The following ZNF804B variants were observed in gnomAD, a reference collection of about 807,000 sequenced individuals.
ZNF804B encodes the protein zinc finger protein 804B.
Under a neutral mutation model 101.4 loss-of-function variants are expected in ZNF804B, and 80 were observed. The observed-to-expected ratio is 0.79, with a 90% CI of 0.66 to 0.95. The LOEUF (loss-of-function observed/expected upper bound fraction) is 0.95, where lower values mean the gene tolerates loss of function less well. ZNF804B is among the 40% of genes least tolerant of loss of function. The pLI is 0.00. For missense variants in ZNF804B, 1,673 were observed against 1,561.9 expected, an observed-to-expected ratio of 1.07 and a Z score of -1.20; for synonymous variants, 622 against 558.8, an observed-to-expected ratio of 1.11 and a Z score of -1.59.
At chr7:88,863,889 T>C (rs999177522) in intron 1 of ZNF804B, among the ~76,000 whole-genome samples, 1 of 152,194 alleles carries the variant, frequency 6.6e-6, no homozygotes, top group Admixed American at 6.5e-5. Context: ...CACGTGCCTG[T>C]CTCCTCCACT....
At chr7:88,921,562 A>G (rs1792719568) in intron 1 of ZNF804B, among the ~76,000 whole-genome samples, 1 of 152,124 alleles carries the variant, frequency 6.6e-6, no homozygotes, top group Non-Finnish European at 1.5e-5. Flanking sequence ...TTTGTTTCCT[A>G]GAAGAAATCC....
At position 89,112,685 on chromosome 7, in the gene ZNF804B, G is replaced by A. The variant is rs899282310; in HGVS notation, c.109-105470G>A. On this transcript the variant is annotated intron_variant, in intron 1 of 3. Transcript: ENST00000333190. Reference sequence around the variant, plus strand: ...TTGCTGGGATTTTGATTGGAATTGTGTTAAATCTATAGATCAAGTTGGGAA... The same window carrying A: ...TTGCTGGGATTTTGATTGGAATTGTATTAAATCTATAGATCAAGTTGGGAA... Among the ~76,000 whole-genome samples, 6 of 152,078 alleles carry A rather than the reference G, an allele frequency of 3.9e-5. No homozygotes were observed. The East Asian group carries it at 5.8e-4, about 15-fold the overall frequency.
At chr7:89,235,974 T>C (rs1284591920) in intron 2 of ZNF804B, among the ~76,000 whole-genome samples, 1 of 152,216 alleles carries the variant, frequency 6.6e-6, no homozygotes, top group East Asian at 1.9e-4. Flanking sequence ...TTTATGTATG[T>C]TTTGTGGGGG....
chr7:89,180,584 G>T (rs776425488), intron 1 of ZNF804B, among the ~76,000 whole-genome samples: 2 of 151,958 alleles, frequency 1.3e-5, no homozygotes, highest in African/African-American at 4.8e-5. Context: ...AGCCTACAAT[G>T]GGGGTTTCAG....
intron 1 of ZNF804B, among the ~76,000 whole-genome samples, chr7:89,100,469 A>T (rs1294792231): frequency 6.6e-6 from 1 of 152,100 alleles, no homozygotes; most frequent in Non-Finnish European, 1.5e-5. Context: ...AAATTGGATT[A>T]CATCAAGTTA....
chr7:89,134,564 G>A (rs542050648), intron 1 of ZNF804B, among the ~76,000 whole-genome samples: 1 of 152,188 alleles, frequency 6.6e-6, no homozygotes, highest in South Asian at 2.1e-4. Context: ...TTCATGCATA[G>A]CTGGAGGGTT....
intron 1 of ZNF804B, among the ~76,000 whole-genome samples, chr7:88,894,188 A>G (rs1321993439): frequency 6.6e-6 from 1 of 152,216 alleles, no homozygotes; most frequent in East Asian, 1.9e-4. Flanking sequence ...TGTGGGCTTC[A>G]ATGAGTTAAA....
At chr7:89,215,050 T>C (rs1484728648) in intron 1 of ZNF804B, among the ~76,000 whole-genome samples, 3 of 152,148 alleles carry the variant, frequency 2.0e-5, no homozygotes, top group Non-Finnish European at 4.4e-5. Context: ...TGTTTGTATG[T>C]TTTGTGGTAG....
rs61374091 is a variant in ZNF804B at position 89,007,446 on chromosome 7, T to TTATATATATATATA, written c.109-210683_109-210670dup. 1.4e-4 allele frequency among the ~76,000 whole-genome samples: 8 copies of TTATATATATATATA among 57,190 alleles called. 1 individual carries two copies. The highest frequency in any genetic ancestry group is 8.1e-4 in the East Asian group (1 of 1,240). The allele number at this position is 57,190 out of a possible 152,430, so 37.5% of individuals were successfully genotyped here. A position where few individuals can be genotyped will look rare whatever the true frequency, so the allele number is the denominator to read the frequency against. On this transcript the variant is annotated intron_variant, in intron 1 of 3. Coordinates refer to ENST00000333190, the MANE Select transcript of ZNF804B (RefSeq NM_181646.5). ...ATGTTATCTAAAGTTATCCATGATT[T>TTATATATATATATA]TATATATATATATATATATATATAT...
At chr7:89,278,688 C>G (rs997592448) in intron 2 of ZNF804B, among the ~76,000 whole-genome samples, 9 of 149,980 alleles carry the variant, frequency 6.0e-5, no homozygotes, top group African/African-American at 2.2e-4. Flanking sequence ...TCTGAGGGCT[C>G]TGTTCTGTTC....
intron 1 of ZNF804B, among the ~76,000 whole-genome samples, chr7:89,147,539 G>GA (rs1790809582): frequency 6.6e-6 from 1 of 152,042 alleles, no homozygotes; most frequent in African/African-American, 2.4e-5. Context: ...CACAGAACAA[G>GA]AAAAAATGTA....
chr7:89,147,177 A>T (rs1464697254), intron 1 of ZNF804B, among the ~76,000 whole-genome samples: 1 of 151,596 alleles, frequency 6.6e-6, no homozygotes, highest in Admixed American at 6.6e-5. Flanking sequence ...ATGTTTAAAA[A>T]GTACAGGACC....
At chr7:89,151,023 A>T (rs1340605817) in intron 1 of ZNF804B, among the ~76,000 whole-genome samples, 1 of 152,178 alleles carries the variant, frequency 6.6e-6, no homozygotes, top group Non-Finnish European at 1.5e-5. Flanking sequence ...GTACATCAGA[A>T]CTATTAATAG....
chr7:89,244,933 T>G (rs143297546), intron 2 of ZNF804B, among the ~76,000 whole-genome samples: 2,409 of 152,240 alleles, frequency 0.016, 53 homozygotes, highest in African/African-American at 0.055. Flanking sequence ...TAAAATTGTG[T>G]CAGGCAACTT....
chr7:88,853,215 T>C (rs1254739909), intron 1 of ZNF804B, among the ~76,000 whole-genome samples: 1 of 152,170 alleles, frequency 6.6e-6, no homozygotes, highest in Non-Finnish European at 1.5e-5. Flanking sequence ...CAGTCTTTCA[T>C]CAGTCAGACA....
chr7:88,943,740 A>G (rs962456436), intron 1 of ZNF804B, among the ~76,000 whole-genome samples: 4 of 151,752 alleles, frequency 2.6e-5, no homozygotes, highest in Non-Finnish European at 4.4e-5. Flanking sequence ...TGTGTTTTCA[A>G]TCTCCTCCCC....
intron 2 of ZNF804B, among the ~76,000 whole-genome samples, chr7:89,236,548 T>A (rs573905044): frequency 5.9e-5 from 9 of 152,280 alleles, no homozygotes; most frequent in Non-Finnish European, 1.2e-4. Flanking sequence ...GATGCACATG[T>A]GACATTCACC....
At chr7:89,258,800 A>G (rs1489639799) in intron 2 of ZNF804B, among the ~76,000 whole-genome samples, 2 of 152,096 alleles carry the variant, frequency 1.3e-5, no homozygotes, top group Non-Finnish European at 2.9e-5. Flanking sequence ...TAGGAAAGAA[A>G]AAATATATTG....
intron 2 of ZNF804B, among the ~76,000 whole-genome samples, chr7:89,255,665 T>C (rs186350888): frequency 1.3e-5 from 2 of 152,256 alleles, no homozygotes; most frequent in East Asian, 3.9e-4. Flanking sequence ...ATCTTTATAA[T>C]TGTAGTGGAG....
Sources: gnomAD v4.1 joint callset for allele counts (sites outside exome capture counted in the v4.1 genomes callset) on GRCh38, gnomAD v4.1.1 for gene constraint, MANE v1.5 for transcripts, NCBI Gene and HGNC (gene_info 2026-07-23, HGNC 2026-07-21) for gene names.